The following GALNTL6 variants were observed in gnomAD, a reference collection of about 807,000 sequenced individuals.
GALNTL6 encodes polypeptide N-acetylgalactosaminyltransferase-like 6.
GALNTL6 carries 46 observed loss-of-function variants against 73.7 expected under a neutral mutation model. The observed-to-expected ratio is 0.62, with a 90% CI of 0.49 to 0.80. The LOEUF (loss-of-function observed/expected upper bound fraction) is 0.80. GALNTL6 is among the 30% of genes least tolerant of loss of function. The pLI is 0.00. For missense variants in GALNTL6, 604 were observed against 755.0 expected (o/e 0.80, Z 2.34); for synonymous variants, 259 against 263.7 (o/e 0.98, Z 0.17).
chr4:172,397,753 T>A (rs1424156962), intron 5 of GALNTL6, among the ~76,000 whole-genome samples: 1 of 151,680 alleles, frequency 6.6e-6, no homozygotes. Context: ...AATTTTTGTA[T>A]TTTTTAGTAG....
intron 11 of GALNTL6, among the ~76,000 whole-genome samples, chr4:173,014,991 T>C (rs567132923): frequency 6.6e-6 from 1 of 152,318 alleles, no homozygotes; most frequent in East Asian, 1.9e-4. Context: ...GTTACCTTCA[T>C]GCTGTTTTCC....
chr4:172,583,224 C>A (rs1192888088), intron 5 of GALNTL6, among the ~76,000 whole-genome samples: 1 of 152,106 alleles, frequency 6.6e-6, no homozygotes, highest in African/African-American at 2.4e-5. Flanking sequence ...TTTCAGGGTA[C>A]AAGAAGTACC....
chr4:172,549,905 A>G (rs1455426343), intron 5 of GALNTL6, among the ~76,000 whole-genome samples: 1 of 152,200 alleles, frequency 6.6e-6, no homozygotes, highest in Non-Finnish European at 1.5e-5. Context: ...TTAAATAAAA[A>G]CAATGCAAAA....
At chr4:172,973,889 A>G (rs1195489623) in intron 10 of GALNTL6, among the ~76,000 whole-genome samples, 1 of 152,234 alleles carries the variant, frequency 6.6e-6, no homozygotes, top group Non-Finnish European at 1.5e-5. Flanking sequence ...ACGCTCCAGT[A>G]AAACAGAGAG....
intron 2 of GALNTL6, among the ~76,000 whole-genome samples, chr4:171,963,802 C>T (rs1739303249): frequency 1.3e-5 from 2 of 152,148 alleles, no homozygotes; most frequent in South Asian, 4.1e-4. Flanking sequence ...GAATAAAAGG[C>T]CTATATGTTA....
chr4:172,428,170 A>G (rs760974543), intron 5 of GALNTL6, among the ~76,000 whole-genome samples: 2 of 152,170 alleles, frequency 1.3e-5, no homozygotes, highest in Non-Finnish European at 2.9e-5. Flanking sequence ...TACTTTTGAA[A>G]TATTAAAATA....
At chr4:172,427,937 T>C (rs575373943) in intron 5 of GALNTL6, among the ~76,000 whole-genome samples, 1 of 152,322 alleles carries the variant, frequency 6.6e-6, no homozygotes, top group Admixed American at 6.5e-5. Context: ...CAGGTTCCTT[T>C]GAAAAGAGCA....
chr4:172,032,456 T>C (rs1162244779), intron 2 of GALNTL6, among the ~76,000 whole-genome samples: 1 of 152,104 alleles, frequency 6.6e-6, no homozygotes, highest in African/African-American at 2.4e-5. Flanking sequence ...TTAAAATTAA[T>C]ATGTAAGCTC....
chr4:172,213,430 T>A lies in GALNTL6; in HGVS notation c.139-16226T>A, dbSNP rs888866855. 3.3e-5 allele frequency among the ~76,000 whole-genome samples: 5 copies of A among 152,190 alleles called. No individual in the cohort carries two copies. The East Asian group carries it at 9.6e-4, about 29-fold the overall frequency. Reference sequence around the variant, plus strand: ...TTTACGTCCTCCCTAGCAATTGGTATTGTCAATTTTGGAAATTTTAACCAT... The same window carrying A: ...TTTACGTCCTCCCTAGCAATTGGTAATGTCAATTTTGGAAATTTTAACCAT... On this transcript the variant is annotated intron_variant, in intron 2 of 12. Transcript: ENST00000506823.
At chr4:171,819,810 G>A (rs1361905431) in intron 2 of GALNTL6, among the ~76,000 whole-genome samples, 1 of 152,130 alleles carries the variant, frequency 6.6e-6, no homozygotes, top group Non-Finnish European at 1.5e-5. Context: ...TCCCTTGATT[G>A]GCTTGCTTAT....
chr4:172,425,251 A>G (rs1248896355), intron 5 of GALNTL6: 2 of 152,122 alleles, frequency 1.3e-5, no homozygotes, highest in Non-Finnish European at 2.9e-5. Flanking sequence ...AAAGGTATGC[A>G]ATGAATATGA....
chr4:172,461,791 T>C (rs1010978202), intron 5 of GALNTL6, among the ~76,000 whole-genome samples: 1 of 152,200 alleles, frequency 6.6e-6, no homozygotes, highest in African/African-American at 2.4e-5. Context: ...AGTGGAACTA[T>C]AGATCTGTGA....
chr4:172,047,372 G>A (rs924807777), intron 2 of GALNTL6, among the ~76,000 whole-genome samples: 10 of 152,008 alleles, frequency 6.6e-5, no homozygotes, highest in African/African-American at 1.9e-4. Flanking sequence ...TAGAAATACC[G>A]TAAACATTTA....
chr4:172,749,489 T>A (rs1200499347), intron 5 of GALNTL6, among the ~76,000 whole-genome samples: 1 of 152,160 alleles, frequency 6.6e-6, no homozygotes, highest in Admixed American at 6.6e-5. Flanking sequence ...AGTTTTTATA[T>A]GAGAATGTAT....
intron 2 of GALNTL6, among the ~76,000 whole-genome samples, chr4:172,134,166 G>A (rs1733574082): frequency 6.6e-6 from 1 of 151,990 alleles, no homozygotes; most frequent in Non-Finnish European, 1.5e-5. Flanking sequence ...GGCAGATCAC[G>A]AGGTCAGGAG....
chr4:172,866,257 A>G (rs1010509059), intron 7 of GALNTL6, among the ~76,000 whole-genome samples: 2 of 152,132 alleles, frequency 1.3e-5, no homozygotes, highest in African/African-American at 4.8e-5. Flanking sequence ...ATCCTCGTTG[A>G]TTCTGGGATG....
intron 9 of GALNTL6, among the ~76,000 whole-genome samples, chr4:172,951,336 G>A (rs995973408): frequency 1.3e-5 from 2 of 152,180 alleles, no homozygotes; most frequent in Non-Finnish European, 2.9e-5. Context: ...AAAGGGCTGA[G>A]CTTCCTACAC....
At chr4:172,455,468 C>T (rs896880075) in intron 5 of GALNTL6, among the ~76,000 whole-genome samples, 12 of 152,180 alleles carry the variant, frequency 7.9e-5, no homozygotes, top group African/African-American at 2.9e-4. Context: ...GCTTGAAATT[C>T]TTGCTGCGAG....
At chr4:172,089,412 T>C (rs935152004) in intron 2 of GALNTL6, among the ~76,000 whole-genome samples, 10 of 152,182 alleles carry the variant, frequency 6.6e-5, no homozygotes, top group Non-Finnish European at 1.2e-4. Flanking sequence ...GCCATCACGG[T>C]GACTTCTCTG....
Sources: gnomAD v4.1 joint callset for allele counts (sites outside exome capture counted in the v4.1 genomes callset) on GRCh38, gnomAD v4.1.1 for gene constraint, MANE v1.5 for transcripts, NCBI Gene and HGNC (gene_info 2026-07-23, HGNC 2026-07-21) for gene names.